The following SLC25A29 variants were observed in gnomAD, a reference collection of about 807,000 sequenced individuals.
SLC25A29 encodes solute carrier family 25 member 29, also known as mitochondrial basic amino acids transporter.
SLC25A29 carries 13 observed loss-of-function variants against 10.0 expected under a neutral mutation model. The observed-to-expected ratio is 1.30, with a 90% CI of 0.85 to 2.07. The LOEUF is 2.07. Ranked by LOEUF, SLC25A29 falls within the 30% of genes most tolerant of loss-of-function variation. SLC25A29 has a pLI of 0.00. For synonymous variants in SLC25A29, 244 were observed against 221.1 expected (o/e 1.10, Z -0.92); for missense variants, 475 against 447.6 (o/e 1.06, Z -0.55).
At chr14:100,285,827 G>A in the SLC25A29 span, among the ~76,000 whole-genome samples, 1 of 152,122 alleles carries the variant, frequency 6.6e-6, no homozygotes, top group Non-Finnish European at 1.5e-5. Flanking sequence ...TCCCCCCGGT[G>A]GAGCAGCGCC....
At chr14:100,294,136 T>A (rs1348933496) in intron 2 of SLC25A29, 1 of 152,170 alleles carries the variant, frequency 6.6e-6, no homozygotes, top group Non-Finnish European at 1.5e-5. Flanking sequence ...ATAAAAGCAA[T>A]GACCTTGGCT....
downstream of SLC25A29, among the ~76,000 whole-genome samples, chr14:100,288,382 CAAAAAAAAAAAAAA>C (rs541814439): frequency 3.1e-5 from 2 of 63,832 alleles, no homozygotes; most frequent in Non-Finnish European, 5.3e-5. Context: ...AACTCTATCT[CAAAAAAAAAAAAAA>C]AAAAAAAAAA....
chr14:100,283,304 T>C, the SLC25A29 span, among the ~76,000 whole-genome samples: 1 of 152,192 alleles, frequency 6.6e-6, no homozygotes, highest in African/African-American at 2.4e-5. Context: ...TGAATACATG[T>C]GACTTTCCCT....
intron 2 of SLC25A29, chr14:100,295,445 C>A (rs1245151034): frequency 9.9e-5 from 52 of 525,528 alleles, no homozygotes; most frequent in Non-Finnish European, 1.5e-4. Flanking sequence ...TGAGGACCCC[C>A]AATCCAGAGG....
chr14:100,286,037 G>T, the SLC25A29 span, among the ~76,000 whole-genome samples: 1 of 152,092 alleles, frequency 6.6e-6, no homozygotes, highest in Non-Finnish European at 1.5e-5. Context: ...GTAGGTTCTG[G>T]AGCCACTCCG....
At chr14:100,305,784 G>A (rs1015852647) in intron 1 of SLC25A29, 2 of 173,448 alleles carry the variant, frequency 1.2e-5, no homozygotes, top group Admixed American at 6.3e-5. Flanking sequence ...TGGCTGCGCG[G>A]GACGGGGTGG....
chr14:100,289,478 T>A (rs1831341294), downstream of SLC25A29, among the ~76,000 whole-genome samples: 2 of 152,174 alleles, frequency 1.3e-5, no homozygotes, highest in African/African-American at 4.8e-5. Context: ...GTTTTCCTCT[T>A]CACTGCACAA....
At chr14:100,288,247 GT>G (rs1238452258), downstream of SLC25A29, among the ~76,000 whole-genome samples, 6 of 151,962 alleles carry the variant, frequency 3.9e-5, no homozygotes, top group Non-Finnish European at 8.8e-5. Context: ...GCAGGGCATG[GT>G]TGCTGCGCCT....
chr14:100,297,763 G>T (rs1181875952), intron 2 of SLC25A29, among the ~76,000 whole-genome samples: 1 of 152,268 alleles, frequency 6.6e-6, no homozygotes, highest in Non-Finnish European at 1.5e-5. Context: ...ACAGTGGATA[G>T]AAGAGTTGTG....
chr14:100,302,928 A>AGT (rs1892661993), intron 1 of SLC25A29, among the ~76,000 whole-genome samples: 1 of 152,110 alleles, frequency 6.6e-6, no homozygotes, highest in Admixed American at 6.5e-5. Context: ...CAACACTTTC[A>AGT]CTGTGCAGAC....
At chr14:100,305,429 A>G (rs1329334298) in intron 1 of SLC25A29, 1 of 151,926 alleles carries the variant, frequency 6.6e-6, no homozygotes, top group African/African-American at 2.4e-5. Context: ...ATCCTGGTGA[A>G]TAAATTAACC....
At chr14:100,301,396 C>T (rs971684064) in intron 1 of SLC25A29, among the ~76,000 whole-genome samples, 1 of 151,246 alleles carries the variant, frequency 6.6e-6, no homozygotes, top group African/African-American at 2.4e-5. Flanking sequence ...AAACTCATGA[C>T]CTCATTGATC....
At chr14:100,284,408 C>T in the SLC25A29 span, among the ~76,000 whole-genome samples, 1 of 152,168 alleles carries the variant, frequency 6.6e-6, no homozygotes, top group Admixed American at 6.5e-5. Context: ...TCCCCTCGGT[C>T]CTTGCTGACC....
In SLC25A29 at chr14:100,306,200, C is replaced by G; in HGVS notation, c.33G>C (p.Gly11=). MALDFLAGCA[G]GVAGVLVGHP... ...CGGCCCGGCCCGCCGCCTCCTTACC[C>G]CCCGCGCATCCAGCCAAGAAGTCCA... The change falls in exon 1 of 4, where the codon GGG becomes GGC. Residue 11 remains glycine (G), a splice_region_variant and synonymous_variant. Coordinates refer to ENST00000359232, the MANE Select transcript of SLC25A29 (RefSeq NM_001039355.3). 1 of 1,508,002 alleles carries G rather than the reference C, an allele frequency of 6.6e-7. No homozygotes were observed. Among genetic ancestry groups the G allele is most frequent in the Non-Finnish European group, 8.8e-7 (1 of 1,135,886 alleles). 93.4% of individuals were successfully genotyped at this position (1,508,002 alleles called of 1,614,324 possible).
Position 100,292,837 on chromosome 14 carries a change from G to T in SLC25A29, c.358C>A (p.Leu120Met). ...CCPMELAKTR[L>M]QLQDAGPART... Reference sequence around the variant, plus strand: ...GCTGGGCCCGCGTCCTGCAGCTGCAGCCGCGTCTTGGCCAGCTCCATGGGG... The same window carrying T: ...GCTGGGCCCGCGTCCTGCAGCTGCATCCGCGTCTTGGCCAGCTCCATGGGG... Residue 120 changes from leucine (L) to methionine (M), a missense_variant, in exon 4 of 4, where the codon CTG becomes ATG. Leu to Met is a conservative substitution (Grantham distance 15). Coordinates refer to ENST00000359232, the MANE Select transcript of SLC25A29 (RefSeq NM_001039355.3). 6.3e-7 allele frequency: 1 copy of T among 1,592,572 alleles called. No individual in the cohort carries two copies. The highest frequency in any genetic ancestry group is 1.1e-5 in the South Asian group (1 of 88,780).
the SLC25A29 span, among the ~76,000 whole-genome samples, chr14:100,284,931 C>A: frequency 4.0e-5 from 6 of 150,578 alleles, no homozygotes; most frequent in Non-Finnish European, 1.5e-5. Flanking sequence ...CCCACCTACT[C>A]GGGAGGCTGA....
Position 100,292,479 on chromosome 14 carries a change from T to C in SLC25A29, c.716A>G (p.Tyr239Cys). The C allele has an allele frequency of 1.3e-6, 2 of 1,584,722 alleles. No individual in the cohort carries two copies. The highest frequency in any genetic ancestry group is 2.3e-5 in the East Asian group (1 of 43,366). ...GAAGACGCGCCAGCCCTCGGCGCGG[T>C]AGCTCTGGTGCACGCAGTCCAGGAT... ...RGILDCVHQS[Y>C]RAEGWRVFTR... The change falls in exon 4 of 4, where the codon TAC (tyrosine) becomes TGC (cysteine). Residue 239 changes from tyrosine (Y) to cysteine (C), a missense_variant. Transcript: ENST00000359232.
intron 1 of SLC25A29, among the ~76,000 whole-genome samples, chr14:100,300,502 C>A (rs1892470218): frequency 1.3e-5 from 2 of 152,136 alleles, no homozygotes; most frequent in African/African-American, 4.8e-5. Context: ...CCTGCCTTAG[C>A]CTCCCAAGTA....
intron 1 of SLC25A29, chr14:100,299,709 C>T: frequency 1.0e-6 from 1 of 985,080 alleles, no homozygotes; most frequent in Non-Finnish European, 1.2e-6. Flanking sequence ...CCTCATTACC[C>T]ATTTCACAGG....
Sources: gnomAD v4.1 joint callset for allele counts (sites outside exome capture counted in the v4.1 genomes callset) on GRCh38, gnomAD v4.1.1 for gene constraint, MANE v1.5 for transcripts, NCBI Gene and HGNC (gene_info 2026-07-23, HGNC 2026-07-21) for gene names.